Variants in MAML2 observed in about 807,000 individuals in gnomAD.
The protein encoded by MAML2 is mastermind like transcriptional coactivator 2.
Under a neutral mutation model 96.1 loss-of-function variants are expected in MAML2, and 22 were observed. The observed-to-expected ratio is 0.23, with a 90% CI of 0.16 to 0.33. MAML2 has a LOEUF of 0.33. MAML2 is among the 10% of genes least tolerant of loss of function. The pLI is 1.00. For missense variants in MAML2, 1,367 were observed against 1,392.4 expected (o/e 0.98, Z 0.29); for synonymous variants, 561 against 521.3 (o/e 1.08, Z -1.04).
intron 1 of MAML2, among the ~76,000 whole-genome samples, chr11:96,147,835 AC>A (rs750089322): frequency 5.3e-5 from 8 of 152,216 alleles, no homozygotes; most frequent in Admixed American, 3.9e-4. Context: ...CAAAGTATGC[AC>A]TTGGGGTACC....
At chr11:96,159,805 C>T (rs1861076551) in intron 1 of MAML2, among the ~76,000 whole-genome samples, 1 of 152,162 alleles carries the variant, frequency 6.6e-6, no homozygotes, top group Non-Finnish European at 1.5e-5. Context: ...AGCCCCGTTT[C>T]TCCAGTAGGG....
intron 2 of MAML2, among the ~76,000 whole-genome samples, chr11:96,077,438 C>A (rs1394039851): frequency 6.6e-6 from 1 of 152,002 alleles, no homozygotes; most frequent in Non-Finnish European, 1.5e-5. Context: ...CCAGGCTGGT[C>A]TTGAACTCCT....
chr11:96,033,191 C>T (rs1290876412), intron 2 of MAML2, among the ~76,000 whole-genome samples: 1 of 152,174 alleles, frequency 6.6e-6, no homozygotes, highest in Non-Finnish European at 1.5e-5. Context: ...GTTCACAGTT[C>T]CCTCAAATTC....
intron 2 of MAML2, among the ~76,000 whole-genome samples, chr11:96,024,337 C>A (rs537932057): frequency 6.6e-6 from 1 of 152,358 alleles, no homozygotes; most frequent in South Asian, 2.1e-4. Flanking sequence ...GCCTCAATTT[C>A]CCTCTATACA....
intron 1 of MAML2, among the ~76,000 whole-genome samples, chr11:96,117,533 C>T (rs1487593740): frequency 6.6e-6 from 1 of 152,058 alleles, no homozygotes; most frequent in African/African-American, 2.4e-5. Flanking sequence ...CTCCTGAGCT[C>T]AAGCAATCTA....
chr11:96,168,491 T>C (rs1460986641), intron 1 of MAML2, among the ~76,000 whole-genome samples: 1 of 152,152 alleles, frequency 6.6e-6, no homozygotes, highest in Non-Finnish European at 1.5e-5. Context: ...TGCTTTAAAA[T>C]CTCCTAGGAA....
chr11:96,046,741 A>G (rs75535996), intron 2 of MAML2, among the ~76,000 whole-genome samples: 2,003 of 152,084 alleles, frequency 0.013, 34 homozygotes, highest in African/African-American at 0.043. Flanking sequence ...TTCCTCCCCA[A>G]ATTATTTGTA....
chr11:96,269,420 T>C (rs1396091040), intron 1 of MAML2, among the ~76,000 whole-genome samples: 1 of 144,738 alleles, frequency 6.9e-6, no homozygotes, highest in Non-Finnish European at 1.5e-5. Context: ...ACCAAGGCTA[T>C]TTCCTTCTGT....
chr11:95,991,165 T>C (rs2135709128), intron 3 of MAML2, among the ~76,000 whole-genome samples: 1 of 152,302 alleles, frequency 6.6e-6, no homozygotes, highest in South Asian at 2.1e-4. Flanking sequence ...AAAATCAGTT[T>C]GGATTTGAGT....
intron 1 of MAML2, among the ~76,000 whole-genome samples, chr11:96,127,695 G>A (rs1860471128): frequency 6.6e-6 from 1 of 152,186 alleles, no homozygotes; most frequent in South Asian, 2.1e-4. Flanking sequence ...TTTGGATTTT[G>A]GCACAGATTA....
At chr11:96,240,423 G>A (rs986732866) in intron 1 of MAML2, among the ~76,000 whole-genome samples, 9 of 151,316 alleles carry the variant, frequency 5.9e-5, no homozygotes, top group Admixed American at 5.3e-4. Context: ...GGTGGCGGGC[G>A]CCTGTAGTCC....
At chr11:96,008,633 G>A (rs1858223861) in intron 2 of MAML2, among the ~76,000 whole-genome samples, 1 of 152,128 alleles carries the variant, frequency 6.6e-6, no homozygotes, top group South Asian at 2.1e-4. Flanking sequence ...ACAAAAACAA[G>A]TTTTAAAAAC....
chr11:96,138,853 T>C (rs947551999), intron 1 of MAML2, among the ~76,000 whole-genome samples: 3 of 152,198 alleles, frequency 2.0e-5, no homozygotes, highest in Admixed American at 2.0e-4. Flanking sequence ...CTGAGTCCCT[T>C]ACTTTTATAT....
intron 2 of MAML2, among the ~76,000 whole-genome samples, chr11:96,011,570 G>C (rs991256804): frequency 3.9e-5 from 6 of 152,124 alleles, no homozygotes; most frequent in Admixed American, 1.3e-4. Context: ...ACTCCAAAAG[G>C]GGGAGGGTGG....
intron 1 of MAML2, among the ~76,000 whole-genome samples, chr11:96,105,280 C>T (rs1227324540): frequency 6.6e-6 from 1 of 152,202 alleles, no homozygotes; most frequent in Non-Finnish European, 1.5e-5. Flanking sequence ...AACAGCATGT[C>T]TATTGTTTCC....
At chr11:96,113,874 T>C (rs1421912598) in intron 1 of MAML2, among the ~76,000 whole-genome samples, 1 of 152,144 alleles carries the variant, frequency 6.6e-6, no homozygotes, top group Non-Finnish European at 1.5e-5. Flanking sequence ...CAATGCTTCA[T>C]TTATTCATGG....
chr11:96,266,989 A>G (rs919019179), intron 1 of MAML2, among the ~76,000 whole-genome samples: 1 of 152,370 alleles, frequency 6.6e-6, no homozygotes, highest in Non-Finnish European at 1.5e-5. Flanking sequence ...ATAGGTCCAC[A>G]GATATTTTTA....
At chr11:96,020,044 T>C (rs1463680193) in intron 2 of MAML2, among the ~76,000 whole-genome samples, 2 of 152,142 alleles carry the variant, frequency 1.3e-5, no homozygotes. Context: ...ATTCTCTACA[T>C]GGTCAATGTT....
chr11:96,298,583 GCAAA>G (rs971288146), intron 1 of MAML2, among the ~76,000 whole-genome samples: 1 of 152,028 alleles, frequency 6.6e-6, no homozygotes, highest in Admixed American at 6.6e-5. Context: ...AGATAACCAA[GCAAA>G]CAAAGAGGTA....
Sources: gnomAD v4.1 joint callset for allele counts (sites outside exome capture counted in the v4.1 genomes callset) on GRCh38, gnomAD v4.1.1 for gene constraint, MANE v1.5 for transcripts, NCBI Gene and HGNC (gene_info 2026-07-23, HGNC 2026-07-21) for gene names.